CSMD2: variants seen among roughly 807,000 people sequenced by gnomAD.
The protein encoded by CSMD2 is CUB and sushi domain-containing protein 2.
In CSMD2, 130 loss-of-function variants were observed where a neutral mutation model predicts 398.5. The ratio of observed to expected loss-of-function variants is 0.33; its 90% CI spans 0.28 to 0.38. The LOEUF is 0.38. Ranked by LOEUF, CSMD2 falls within the 10% of genes least tolerant of loss-of-function variation. The probability of loss-of-function intolerance (pLI) is 1.00; values close to 1 mark genes in which losing one functional copy is unlikely to be tolerated. For missense variants in CSMD2, 3,829 were observed against 4,764.9 expected (o/e 0.80, Z 5.78); for synonymous variants, 1,828 against 1,908.5 (o/e 0.96, Z 1.10).
intron 2 of CSMD2, among the ~76,000 whole-genome samples, chr1:34,066,515 T>G (rs1036561522): frequency 5.3e-5 from 8 of 151,878 alleles, no homozygotes; most frequent in Non-Finnish European, 8.8e-5. Flanking sequence ...ACCAGCCTAG[T>G]AGAGGGGGGA....
intron 2 of CSMD2, among the ~76,000 whole-genome samples, chr1:34,081,589 T>C (rs1258496725): frequency 6.6e-6 from 1 of 152,114 alleles, no homozygotes; most frequent in African/African-American, 2.4e-5. Flanking sequence ...TGACTGGTTT[T>C]TGTATTTTTT....
At chr1:33,857,469 C>G (rs1188674386) in intron 5 of CSMD2, among the ~76,000 whole-genome samples, 1 of 151,874 alleles carries the variant, frequency 6.6e-6, no homozygotes, top group Admixed American at 6.6e-5. Context: ...ATGGCCAGAA[C>G]CAAGAACTCA....
At chr1:34,069,334 T>C (rs112398305) in intron 2 of CSMD2, among the ~76,000 whole-genome samples, 2,327 of 152,290 alleles carry the variant, frequency 0.015, 64 homozygotes, top group African/African-American at 0.053. Flanking sequence ...CGTGAGTTCA[T>C]GGAACTTTTA....
intron 52 of CSMD2, 101 bp from the exon 53 acceptor site, chr1:33,567,942 C>G (rs968494993): frequency 5.0e-6 from 7 of 1,393,038 alleles, no homozygotes; most frequent in Non-Finnish European, 6.7e-6. Context: ...CTTCAGGAAC[C>G]CTCAGCATGA....
In CSMD2 at chr1:33,652,471, G is replaced by T. The variant is rs1386566058; in HGVS notation, c.4448-10C>A. Reference sequence around the variant, plus strand: ...TCTCCCCCGCAGGGAGCTGAGGAGAGAAGAAGACGAGGGTGAGGCTGCCTC... The same window carrying T: ...TCTCCCCCGCAGGGAGCTGAGGAGATAAGAAGACGAGGGTGAGGCTGCCTC... On this transcript the variant is annotated splice_polypyrimidine_tract_variant and intron_variant, in intron 27 of 70. Transcript: ENST00000373381. 1 of 1,613,058 alleles carries T rather than the reference G, an allele frequency of 6.2e-7. No homozygotes were observed. Among genetic ancestry groups the T allele is most frequent in the Non-Finnish European group, 8.5e-7 (1 of 1,179,248 alleles).
At position 33,652,028 on chromosome 1, in the gene CSMD2, C is replaced by T. The variant is rs148527531; in HGVS notation, c.4586+295G>A. 2.7e-3 allele frequency among the ~76,000 whole-genome samples: 414 copies of T among 152,146 alleles called. 5 individuals carry two copies. Among genetic ancestry groups the T allele is most frequent in the Non-Finnish European group, 3.6e-3 (247 of 67,990 alleles). ...AATGCAGAGGGCAGGGCAAGGGCATCCAACAAAGGCCTCCTTTCCAGGTCC... is the reference window on the plus strand; with the variant it reads ...AATGCAGAGGGCAGGGCAAGGGCATTCAACAAAGGCCTCCTTTCCAGGTCC... On this transcript the variant is annotated intron_variant, in intron 28 of 70. Coordinates refer to ENST00000373381, the MANE Select transcript of CSMD2 (RefSeq NM_001281956.2).
chr1:33,546,230 GA>G lies in CSMD2; in HGVS notation c.8918-12del. On this transcript the variant is annotated splice_polypyrimidine_tract_variant and intron_variant, in intron 56 of 70. Coordinates refer to ENST00000373381, the MANE Select transcript of CSMD2 (RefSeq NM_001281956.2). ...CTCCCACGCTGGTTCCTATGGACCA[GA>G]ACCACACAAATCCCATTATTTTTCA... 1 of 1,603,878 alleles carries G rather than the reference GA, an allele frequency of 6.2e-7. No homozygotes were observed. Among genetic ancestry groups the G allele is most frequent in the Non-Finnish European group, 8.5e-7 (1 of 1,172,684 alleles).
At chr1:34,133,656 A>G (rs1326755029) in intron 1 of CSMD2, among the ~76,000 whole-genome samples, 1 of 151,932 alleles carries the variant, frequency 6.6e-6, no homozygotes, top group African/African-American at 2.4e-5. Context: ...CAGTTAGCCC[A>G]TAGTTACAGG....
intron 3 of CSMD2, among the ~76,000 whole-genome samples, chr1:33,975,880 C>T (rs571178127): frequency 2.6e-4 from 39 of 152,328 alleles, no homozygotes; most frequent in Non-Finnish European, 3.4e-4. Flanking sequence ...GTATTCCTCG[C>T]TCCCTCCACC....
At chr1:33,673,591 A>C (rs1484409506) in intron 25 of CSMD2, among the ~76,000 whole-genome samples, 1 of 152,192 alleles carries the variant, frequency 6.6e-6, no homozygotes, top group Non-Finnish European at 1.5e-5. Context: ...CCAACATTCA[A>C]ATTCAGGAAA....
intron 13 of CSMD2, among the ~76,000 whole-genome samples, chr1:33,747,073 G>T (rs1647486099): frequency 6.6e-6 from 1 of 152,102 alleles, no homozygotes; most frequent in African/African-American, 2.4e-5. Context: ...AATATCAAAG[G>T]CCTCAAAACA....
chr1:33,580,614 G>A, intron 48 of CSMD2, 139 bp downstream of exon 48: 2 of 771,006 alleles, frequency 2.6e-6, no homozygotes, highest in Non-Finnish European at 4.2e-6. Flanking sequence ...TAGAAAAATA[G>A]GAGGTAGGGG....
At chr1:34,000,773 CA>C (rs1364676493) in intron 3 of CSMD2, among the ~76,000 whole-genome samples, 14 of 152,020 alleles carry the variant, frequency 9.2e-5, no homozygotes, top group African/African-American at 3.1e-4. Flanking sequence ...TGTCTAATCT[CA>C]AAGAAATTGC....
chr1:33,812,963 A>G (rs1287658469), intron 9 of CSMD2: 1 of 152,188 alleles, frequency 6.6e-6, no homozygotes, highest in East Asian at 1.9e-4. Context: ...ACAAATTAAA[A>G]TAAGACAATC....
chr1:33,594,828 T>G (rs956158414), intron 44 of CSMD2, among the ~76,000 whole-genome samples: 1 of 152,230 alleles, frequency 6.6e-6, no homozygotes, highest in African/African-American at 2.4e-5. Context: ...GTCTTGCTAT[T>G]TTTTAGTATC....
At position 34,164,882 on chromosome 1, in the gene CSMD2, C is replaced by A; in HGVS notation, c.187+29G>T. On this transcript the variant is annotated intron_variant, in intron 1 of 70. Transcript: ENST00000373381. This position sits in a 1 kb window ranked among gnomAD's most constrained non-coding sequence, Gnocchi z 6.2. ...GGGCTCGGGTGGGGCGCGCGGCGGCCGCTGGCTCCTCGGCGCGGCTGGACT... is the reference window on the plus strand; with the variant it reads ...GGGCTCGGGTGGGGCGCGCGGCGGCAGCTGGCTCCTCGGCGCGGCTGGACT... 1 of 1,217,886 alleles carries A rather than the reference C, an allele frequency of 8.2e-7. No individual in the cohort carries two copies. Among genetic ancestry groups the A allele is most frequent in the Non-Finnish European group, 1.0e-6 (1 of 979,084 alleles). 75.4% of individuals were successfully genotyped at this position (1,217,886 alleles called of 1,614,324 possible).
At chr1:33,568,388 T>C (rs1169060398) in intron 52 of CSMD2, among the ~76,000 whole-genome samples, 1 of 152,110 alleles carries the variant, frequency 6.6e-6, no homozygotes, top group Non-Finnish European at 1.5e-5. Context: ...GATTTCACCA[T>C]GTTGGCCAGG....
rs552323732 is a variant in CSMD2 at position 34,089,207 on chromosome 1, A to T, written c.188-14T>A. On this transcript the variant is annotated splice_polypyrimidine_tract_variant and intron_variant, in intron 1 of 70. Coordinates refer to ENST00000373381, the MANE Select transcript of CSMD2 (RefSeq NM_001281956.2). ...TGCAGTTCTGGCCTGGGAAAGAGAA[A>T]TGGAGCAGTTCAGAATAGCCAGAAT... is the stretch of plus-strand genomic sequence containing the variant. 3.4e-5 allele frequency: 54 copies of T among 1,611,704 alleles called. No homozygotes were observed. The East Asian group carries it at 1.0e-3, about 31-fold the overall frequency.
At chr1:33,546,747 A>T (rs574765860) in intron 56 of CSMD2, among the ~76,000 whole-genome samples, 3 of 151,266 alleles carry the variant, frequency 2.0e-5, no homozygotes, top group East Asian at 3.9e-4. Flanking sequence ...TTTTCAAAAA[A>T]TTTTTTCCTG....
Sources: allele counts gnomAD v4.1 joint callset (sites outside exome capture counted in the v4.1 genomes callset), GRCh38; gene constraint gnomAD v4.1.1; non-coding constraint Gnocchi (gnomAD v3.1); transcripts MANE v1.5; gene names NCBI Gene and HGNC (gene_info 2026-07-23, HGNC 2026-07-21).